HIGD1B: variants seen among roughly 807,000 people sequenced by gnomAD.
The protein encoded by HIGD1B is HIG1 domain family member 1B.
Under a neutral mutation model 8.8 loss-of-function variants are expected in HIGD1B, and 9 were observed. The ratio of observed to expected loss-of-function variants is 1.02; its 90% CI spans 0.62 to 1.78. The LOEUF is 1.78. HIGD1B is among the 40% of genes most tolerant of loss of function. The probability of loss-of-function intolerance (pLI) is 0.00; values close to 1 mark genes in which losing one functional copy is unlikely to be tolerated. For missense variants in HIGD1B, 126 were observed against 111.8 expected (o/e 1.13, Z -0.57); for synonymous variants, 47 against 38.8 (o/e 1.21, Z -0.78).
At position 44,849,345 on chromosome 17, in the gene HIGD1B, C is replaced by G. The variant is rs940870714; in HGVS notation, c.192C>G (p.Thr64=). The G allele has an allele frequency of 6.2e-7, 1 of 1,613,996 alleles. No homozygotes were observed. Among genetic ancestry groups the G allele is most frequent in the East Asian group, 2.2e-5 (1 of 44,890 alleles). Residue 64 remains threonine, a synonymous_variant, in exon 2 of 3, where the codon ACC becomes ACG. Coordinates refer to ENST00000253410, the MANE Select transcript of HIGD1B (RefSeq NM_016438.4). ...STKMSIHLIH[T]RVAAQACAVG... The stretch of plus-strand genomic sequence containing the variant: ...AGATGTCCATACACCTGATTCACAC[C>G]CGAGTGGCAGCGCAGGCCTGTGCAG...
upstream of HIGD1B, among the ~76,000 whole-genome samples, chr17:44,846,878 G>A (rs2050328066): frequency 6.6e-6 from 1 of 152,102 alleles, no homozygotes; most frequent in South Asian, 2.1e-4. Context: ...GCTCATACCT[G>A]TAATCCCTGC....
At chr17:44,849,097 T>A in intron 1 of HIGD1B, 157 bp from the exon 2 acceptor site, 4 of 715,190 alleles carry the variant, frequency 5.6e-6, no homozygotes, top group Non-Finnish European at 8.8e-6. Context: ...ATTCTAATGA[T>A]CCCCCTAGGT....
rs200140141 is a variant in HIGD1B, at chr17:44,848,105, G to A, written c.-48G>A. 39 of 844,664 alleles carry A rather than the reference G, an allele frequency of 4.6e-5. No individual in the cohort carries two copies. Among genetic ancestry groups the A allele is most frequent in the African/African-American group, 1.3e-4 (8 of 60,488 alleles). The allele number at this position is 844,664 out of a possible 1,614,324, so 52.3% of individuals were successfully genotyped here. On this transcript the variant is annotated 5_prime_UTR_variant, in exon 1 of 3. Transcript: ENST00000253410. ...ATTGTGGAGTGCCTCTCTCTAGGAC[G>A]GGGCTGCAGCATAGGAGTCTCAGCT... is the stretch of plus-strand genomic sequence containing the variant.
rs117221785 is a variant in HIGD1B, at chr17:44,848,169, G to A, written c.17G>A (p.Arg6His). 2.9e-4 allele frequency: 251 copies of A among 872,730 alleles called. No individual in the cohort carries two copies. Among genetic ancestry groups the A allele is most frequent in the Non-Finnish European group, 4.2e-4 (209 of 501,610 alleles). 54.1% of individuals were successfully genotyped at this position (872,730 alleles called of 1,614,324 possible). Residue 6 changes from arginine (R) to histidine (H), a missense_variant, in exon 1 of 3, where the codon CGC becomes CAC. Transcript: ENST00000253410. ...TCCAGGATTATGTCTGCTAACAGACGCTGGTGGGTACCACCTGACGACGAA... is the reference window on the plus strand; with the variant it reads ...TCCAGGATTATGTCTGCTAACAGACACTGGTGGGTACCACCTGACGACGAA... The part of the protein sequence containing the change: MSANR[R>H]WWVPPDDEDC...
At chr17:44,849,117 C>A in intron 1 of HIGD1B, 137 bp from the exon 2 acceptor site, 3 of 989,120 alleles carry the variant, frequency 3.0e-6, no homozygotes, top group Non-Finnish European at 4.4e-6. Flanking sequence ...TCCCCCGCAA[C>A]GCCCACCCCC....
At chr17:44,846,831 T>C (rs1412394273), upstream of HIGD1B, among the ~76,000 whole-genome samples, 3 of 150,964 alleles carry the variant, frequency 2.0e-5, no homozygotes, top group Non-Finnish European at 4.4e-5. Context: ...GCCGTATGGT[T>C]AGGCTTAGAA....
At chr17:44,847,171 C>G (rs947580830), upstream of HIGD1B, among the ~76,000 whole-genome samples, 1 of 151,374 alleles carries the variant, frequency 6.6e-6, no homozygotes, top group African/African-American at 2.4e-5. Context: ...CGGTGGCTCA[C>G]GCCTGTAATC....
chr17:44,849,234 G>A lies in HIGD1B; in HGVS notation c.101-20G>A, dbSNP rs2050379699. On this transcript the variant is annotated intron_variant, in intron 1 of 2. Coordinates refer to ENST00000253410, the MANE Select transcript of HIGD1B (RefSeq NM_016438.4). ...TGTGCATTGTGGCTGTGGCCCAGGG[G>A]CTGTGTTCTCTGCCCACAGGCTTAG... 1.9e-6 allele frequency: 3 copies of A among 1,613,406 alleles called. No homozygotes were observed. Among genetic ancestry groups the A allele is most frequent in the South Asian group, 1.1e-5 (1 of 91,042 alleles).
At chr17:44,847,249 A>C (rs948259009), upstream of HIGD1B, among the ~76,000 whole-genome samples, 2 of 151,700 alleles carry the variant, frequency 1.3e-5, no homozygotes, top group Admixed American at 6.6e-5. Context: ...CTGGCTAACA[A>C]GGTGAAACCC....
At chr17:44,849,409 G>A (rs764252453) in intron 2 of HIGD1B, 21 bp downstream of exon 2, 25 of 1,613,144 alleles carry the variant, frequency 1.5e-5, no homozygotes, top group Middle Eastern at 1.7e-4. Context: ...TTGTGGGGTC[G>A]CAGAATGAGG....
chr17:44,849,145 T>A, intron 1 of HIGD1B, 109 bp from the exon 2 acceptor site: 67 of 1,152,750 alleles, frequency 5.8e-5, no homozygotes, highest in East Asian at 1.2e-4. Flanking sequence ...AGATGCTGCA[T>A]AAAACCAGCT....
Position 44,848,168 on chromosome 17 carries a change from C to G in HIGD1B, c.16C>G (p.Arg6Gly), listed in dbSNP as rs751484914. 1.4e-5 allele frequency: 12 copies of G among 872,598 alleles called. No individual in the cohort carries two copies. Among genetic ancestry groups the G allele is most frequent in the Non-Finnish European group, 2.4e-5 (12 of 501,622 alleles). 54.1% of individuals were successfully genotyped at this position (872,598 alleles called of 1,614,324 possible). A position where few individuals can be genotyped will look rare whatever the true frequency, so the allele number is the denominator to read the frequency against. MSANR[R>G]WWVPPDDEDC... is the part of the protein sequence containing the mutation. ...GTCCAGGATTATGTCTGCTAACAGA[C>G]GCTGGTGGGTACCACCTGACGACGA... The change falls in exon 1 of 3, where the codon CGC becomes GGC. Residue 6 changes from arginine to glycine, a missense_variant. Transcript: ENST00000253410.
intron 2 of HIGD1B, 57 bp downstream of exon 2, chr17:44,849,445 G>T: frequency 1.9e-6 from 3 of 1,596,124 alleles, no homozygotes; most frequent in Non-Finnish European, 2.6e-6. Flanking sequence ...CAGTTTGTAG[G>T]TCTTTAAGTC....
rs973074380 is a variant in HIGD1B, at chr17:44,848,400, CAA to C, written c.100+150_100+151del. 11 of 606,162 alleles carry C rather than the reference CAA, an allele frequency of 1.8e-5. No individual in the cohort carries two copies. In the African/African-American group the frequency reaches 2.0e-4, roughly 11 times the overall value. 37.5% of individuals were successfully genotyped at this position (606,162 alleles called of 1,614,324 possible). A position where few individuals can be genotyped will look rare whatever the true frequency, so the allele number is the denominator to read the frequency against. The stretch of plus-strand genomic sequence containing the variant: ...AAACAACAGCAAAGGTGCCAAGGGG[CAA>C]ACCCTTACAATGAAATCAGGACGTC... On this transcript the variant is annotated intron_variant, in intron 1 of 2. Coordinates refer to ENST00000253410, the MANE Select transcript of HIGD1B (RefSeq NM_016438.4).
Position 44,848,042 on chromosome 17 carries a change from C to A in HIGD1B, c.-111C>A, listed in dbSNP as rs1425630998. The A allele has an allele frequency of 1.5e-6, 1 of 669,300 alleles. No homozygotes were observed. Among genetic ancestry groups the A allele is most frequent in the South Asian group, 1.8e-5 (1 of 55,550 alleles). The allele number at this position is 669,300 out of a possible 1,614,324, so 41.5% of individuals were successfully genotyped here. A position where few individuals can be genotyped will look rare whatever the true frequency, so the allele number is the denominator to read the frequency against. ...GGTGAGAGAGGGTCTTAGCAGGTAACCTTCCTTTCCTCTCCAGACTGAGGA... is the reference window on the plus strand; with the variant it reads ...GGTGAGAGAGGGTCTTAGCAGGTAAACTTCCTTTCCTCTCCAGACTGAGGA... On this transcript the variant is annotated 5_prime_UTR_variant, in exon 1 of 3. Transcript: ENST00000253410.
Position 44,849,351 on chromosome 17 carries a change from GGCAGCGCAGGCCTGTGCAGTGGGT to G in HIGD1B, c.202_225del (p.Ala68_Ala75del). The G allele has an allele frequency of 6.2e-7, 1 of 1,614,200 alleles. No individual in the cohort carries two copies. Among genetic ancestry groups the G allele is most frequent in the Non-Finnish European group, 8.5e-7 (1 of 1,180,018 alleles). ...CCATACACCTGATTCACACCCGAGT[GGCAGCGCAGGCCTGTGCAGTGGGT>G]GCAATCATGCTAGGTGAGTAGCTTT... On this transcript the variant is annotated inframe_deletion, in exon 2 of 3. Transcript: ENST00000253410.
At chr17:44,849,665 CAGG>C (rs918211591) in intron 2 of HIGD1B, among the ~76,000 whole-genome samples, 1 of 145,436 alleles carries the variant, frequency 6.9e-6, no homozygotes, top group East Asian at 2.0e-4. Flanking sequence ...GAGGCTTCGG[CAGG>C]AGAATTGCTT....
upstream of HIGD1B, among the ~76,000 whole-genome samples, chr17:44,845,216 C>A (rs1273276363): frequency 6.7e-6 from 1 of 150,202 alleles, no homozygotes; most frequent in Non-Finnish European, 1.5e-5. Context: ...TGAGATCATG[C>A]CATTGCACTC....
Position 44,848,259 on chromosome 17 carries a change from GAAGA to G in HIGD1B, c.100+11_100+14del, listed in dbSNP as rs1260855330. 1.1e-6 allele frequency: 1 copy of G among 872,184 alleles called. No homozygotes were observed. Among genetic ancestry groups the G allele is most frequent in the Non-Finnish European group, 2.0e-6 (1 of 501,228 alleles). The allele number at this position is 872,184 out of a possible 1,614,324, so 54.0% of individuals were successfully genotyped here. On this transcript the variant is annotated splice_region_variant and intron_variant, in intron 1 of 2. Coordinates refer to ENST00000253410, the MANE Select transcript of HIGD1B (RefSeq NM_016438.4). ...TCTCCACTGGTGCCTATAGGTAAGT[GAAGA>G]AAGGAATGGGGTGCCGAGTAGGAGG...
Sources: allele counts gnomAD v4.1 joint callset (sites outside exome capture counted in the v4.1 genomes callset), GRCh38; gene constraint gnomAD v4.1.1; transcripts MANE v1.5; gene names NCBI Gene and HGNC (gene_info 2026-07-23, HGNC 2026-07-21).